The following SEMA4D variants were observed in gnomAD, a reference collection of about 807,000 sequenced individuals.
SEMA4D encodes semaphorin 4D.
A neutral mutation model predicts 74.8 loss-of-function variants in SEMA4D; 22 were observed. The ratio of observed to expected loss-of-function variants is 0.29; its 90% confidence interval spans 0.21 to 0.42. The LOEUF (loss-of-function observed/expected upper bound fraction) is 0.42, where lower values mean the gene tolerates loss of function less well. Ranked by LOEUF, SEMA4D falls within the 10% of genes least tolerant of loss-of-function variation. The pLI is 1.00. For missense variants in SEMA4D, 937 were observed against 1,118.4 expected (o/e 0.84, Z 2.31); for synonymous variants, 445 against 463.7 (o/e 0.96, Z 0.52).
intron 1 of SEMA4D, among the ~76,000 whole-genome samples, chr9:89,456,673 C>A (rs1450743679): frequency 6.6e-6 from 1 of 152,206 alleles, no homozygotes; most frequent in Non-Finnish European, 1.5e-5. Context: ...CTCCACCTCC[C>A]AGGTTCAAGC....
intron 2 of SEMA4D, among the ~76,000 whole-genome samples, chr9:89,409,469 G>C (rs1417958057): frequency 6.6e-6 from 1 of 152,208 alleles, no homozygotes; most frequent in Non-Finnish European, 1.5e-5. Flanking sequence ...TCTGTGGGGG[G>C]ATTCTGAAAA....
At chr9:89,415,716 C>T (rs906618098) in intron 2 of SEMA4D, among the ~76,000 whole-genome samples, 3 of 152,196 alleles carry the variant, frequency 2.0e-5, no homozygotes, top group African/African-American at 4.8e-5. Context: ...AAATAAATGT[C>T]TGTTTTTATG....
intron 2 of SEMA4D, among the ~76,000 whole-genome samples, chr9:89,410,720 GC>G (rs1268402759): frequency 6.6e-6 from 1 of 152,164 alleles, no homozygotes; most frequent in Admixed American, 6.5e-5. Context: ...CGGAATAACA[GC>G]GCCCAGGAGC....
intron 7 of SEMA4D, among the ~76,000 whole-genome samples, chr9:89,393,265 G>A (rs1840241115): frequency 6.6e-6 from 1 of 152,196 alleles, no homozygotes; most frequent in South Asian, 2.1e-4. Flanking sequence ...ACAGCATGTG[G>A]CTCAGTCAAA....
intron 13 of SEMA4D, among the ~76,000 whole-genome samples, chr9:89,382,612 A>AT (rs1414153692): frequency 2.0e-5 from 3 of 152,228 alleles, no homozygotes; most frequent in Non-Finnish European, 4.4e-5. Context: ...ACCTGGGCAG[A>AT]TGAGGCCATG....
intron 1 of SEMA4D, among the ~76,000 whole-genome samples, chr9:89,496,644 G>A (rs145141377): frequency 3.9e-5 from 6 of 152,238 alleles, no homozygotes; most frequent in African/African-American, 1.2e-4. Context: ...CATGATATAC[G>A]CAGACACCAA....
At chr9:89,385,866 G>GGGGGGGGGCCCCCCCCCCCCC in intron 13 of SEMA4D, 2 of 196,226 alleles carry the variant, frequency 1.0e-5, no homozygotes, top group Non-Finnish European at 9.0e-6. Flanking sequence ...CAGCGTGGAT[G>GGGGGGGGGCCCCCCCCCCCCC]CCCGCCCACC....
At chr9:89,465,253 G>A (rs1858381269) in intron 1 of SEMA4D, among the ~76,000 whole-genome samples, 1 of 152,300 alleles carries the variant, frequency 6.6e-6, no homozygotes, top group African/African-American at 2.4e-5. Context: ...ACAGACAAGA[G>A]GGGCCTAAGT....
At chr9:89,460,596 T>C (rs1035396020) in intron 1 of SEMA4D, among the ~76,000 whole-genome samples, 1 of 152,256 alleles carries the variant, frequency 6.6e-6, no homozygotes, top group Non-Finnish European at 1.5e-5. Context: ...CTCACATGTT[T>C]AACCGAGGTT....
chr9:89,450,568 C>T, intron 2 of SEMA4D: 1 of 985,826 alleles, frequency 1.0e-6, no homozygotes, highest in African/African-American at 1.6e-5. Flanking sequence ...ACCAGTGGTC[C>T]CTTCCAGCCT....
At chr9:89,393,338 G>A (rs1840254737) in intron 7 of SEMA4D, among the ~76,000 whole-genome samples, 1 of 152,214 alleles carries the variant, frequency 6.6e-6, no homozygotes, top group African/African-American at 2.4e-5. Flanking sequence ...ACATGAGCCA[G>A]CAATGGATAC....
At chr9:89,375,935 C>A (rs1479250512), downstream of SEMA4D, among the ~76,000 whole-genome samples, 1 of 152,128 alleles carries the variant, frequency 6.6e-6, no homozygotes, top group Non-Finnish European at 1.5e-5. Context: ...ACCATCATAC[C>A]TTACTGTAAC....
chr9:89,448,305 T>C (rs1353787295), intron 2 of SEMA4D, among the ~76,000 whole-genome samples: 1 of 152,226 alleles, frequency 6.6e-6, no homozygotes, highest in African/African-American at 2.4e-5. Flanking sequence ...CTCCCCCTTG[T>C]AACTCCAGTC....
At chr9:89,372,587 C>T (rs1418088802), downstream of SEMA4D, among the ~76,000 whole-genome samples, 12 of 152,072 alleles carry the variant, frequency 7.9e-5, no homozygotes. Context: ...GCTGTCCCTC[C>T]TGTGCGGCCA....
chr9:89,370,462 GTC>G (rs976639148), intron 16 of SEMA4D, among the ~76,000 whole-genome samples: 4 of 149,828 alleles, frequency 2.7e-5, no homozygotes, highest in Non-Finnish European at 5.9e-5. Context: ...GTAGGTGTGT[GTC>G]TGGTTTGTGT....
chr9:89,475,632 C>T (rs1861556049), intron 1 of SEMA4D, among the ~76,000 whole-genome samples: 1 of 152,216 alleles, frequency 6.6e-6, no homozygotes, highest in Non-Finnish European at 1.5e-5. Flanking sequence ...ATCCATCAGG[C>T]AGCTCCCATC....
chr9:89,374,224 C>T (rs1255298565), downstream of SEMA4D, among the ~76,000 whole-genome samples: 1 of 152,230 alleles, frequency 6.6e-6, no homozygotes, highest in African/African-American at 2.4e-5. Context: ...TGAGCACTGG[C>T]AAAGGACTGC....
chr9:89,381,044 G>C lies in SEMA4D; in HGVS notation c.1663+11C>G. 2 of 1,614,044 alleles carry C rather than the reference G, an allele frequency of 1.2e-6. No homozygotes were observed. Among genetic ancestry groups the C allele is most frequent in the Non-Finnish European group, 1.7e-6 (2 of 1,180,022 alleles). On this transcript the variant is annotated intron_variant, in intron 15 of 15. Transcript: ENST00000422704. This position sits in a 1 kb window ranked among gnomAD's most constrained non-coding sequence, Gnocchi z 4.6. The stretch of plus-strand genomic sequence containing the variant: ...CTCCCAAAGGAAATGGGACGTCGAG[G>C]AGTCACTCACCCGGGCACACAGAAG...
chr9:89,362,901 G>GT, intron 18 of SEMA4D, among the ~76,000 whole-genome samples: 1 of 152,310 alleles, frequency 6.6e-6, no homozygotes, highest in East Asian at 1.9e-4. Flanking sequence ...CTTTGTCTCC[G>GT]TGGGGAGACA....
Sources: gnomAD v4.1 joint callset for allele counts (sites outside exome capture counted in the v4.1 genomes callset) on GRCh38, gnomAD v4.1.1 for gene constraint, Gnocchi (gnomAD v3.1) non-coding constraint, MANE v1.5 for transcripts, NCBI Gene and HGNC (gene_info 2026-07-23, HGNC 2026-07-21) for gene names.